Variants in DIP2C observed in about 807,000 individuals in gnomAD.
DIP2C encodes the protein disco-interacting protein 2 homolog C.
Under a neutral mutation model 192.4 loss-of-function variants are expected in DIP2C, and 33 were observed. That is an observed-to-expected ratio of 0.17 (90% CI 0.13 to 0.23). The LOEUF (loss-of-function observed/expected upper bound fraction) is 0.23. Among genes scored for constraint, DIP2C ranks in the 10% least tolerant of loss-of-function variants. The pLI, the probability that DIP2C is intolerant of heterozygous loss-of-function variation, is 1.00. For missense variants in DIP2C, 1,537 were observed against 2,110.1 expected, an observed-to-expected ratio of 0.73 and a Z score of 5.32; for synonymous variants, 979 against 864.1, an observed-to-expected ratio of 1.13 and a Z score of -2.33.
intron 1 of DIP2C, among the ~76,000 whole-genome samples, chr10:534,623 A>C (rs965571978): frequency 1.9e-4 from 29 of 150,120 alleles, no homozygotes; most frequent in African/African-American, 6.4e-4. Flanking sequence ...AGCCCCATCT[A>C]CCCTCCCAGG....
chr10:568,775 AAAAAAAAAAAAAAAAAAAAAAAAC>A (rs910162708), intron 1 of DIP2C, among the ~76,000 whole-genome samples: 2 of 127,578 alleles, frequency 1.6e-5, no homozygotes, highest in African/African-American at 3.2e-5. Flanking sequence ...CAAAAAAAAA[AAAAAAAAAAAAAAAAAAAAAAAAC>A]CTTCACTTGA....
At chr10:558,954 T>TCC (rs1184279983) in intron 1 of DIP2C, among the ~76,000 whole-genome samples, 1 of 11,368 alleles carries the variant, frequency 8.8e-5, no homozygotes, top group Non-Finnish European at 1.9e-4. Flanking sequence ...GCCCAACCCC[T>TCC]CCCCCGGCAG....
chr10:334,970 A>C (rs1040897189), intron 29 of DIP2C, among the ~76,000 whole-genome samples: 3 of 152,198 alleles, frequency 2.0e-5, no homozygotes, highest in African/African-American at 7.2e-5. Flanking sequence ...AAAAACCCCC[A>C]AAAAATAGCC....
intron 3 of DIP2C, among the ~76,000 whole-genome samples, chr10:470,481 G>A (rs372097929): frequency 1.1e-3 from 169 of 152,224 alleles, no homozygotes; most frequent in Middle Eastern, 3.4e-3. Context: ...TAAGGTGCAC[G>A]GATGAACAGA....
At chr10:493,695 G>A (rs1844616107) in intron 1 of DIP2C, among the ~76,000 whole-genome samples, 1 of 152,210 alleles carries the variant, frequency 6.6e-6, no homozygotes, top group South Asian at 2.1e-4. Flanking sequence ...GAGGGAACAT[G>A]AGCATGAGGA....
At chr10:471,477 C>CA (rs1970627916) in intron 3 of DIP2C, among the ~76,000 whole-genome samples, 1 of 152,152 alleles carries the variant, frequency 6.6e-6, no homozygotes, top group Non-Finnish European at 1.5e-5. Flanking sequence ...CCCTTAGCCT[C>CA]ACTTTTTTCT....
intron 3 of DIP2C, among the ~76,000 whole-genome samples, chr10:445,494 T>C (rs1056316185): frequency 4.6e-5 from 7 of 150,714 alleles, no homozygotes; most frequent in Non-Finnish European, 8.9e-5. Context: ...ACAACTGTTG[T>C]GAAGAGTCTA....
intron 32 of DIP2C, among the ~76,000 whole-genome samples, chr10:306,035 T>G (rs1956307243): frequency 6.6e-6 from 1 of 151,708 alleles, no homozygotes; most frequent in African/African-American, 2.4e-5. Flanking sequence ...ACTCAAGTAT[T>G]CATGGAAAGA....
intron 1 of DIP2C, among the ~76,000 whole-genome samples, chr10:612,382 T>TA (rs1447297737): frequency 6.6e-6 from 1 of 152,238 alleles, no homozygotes; most frequent in East Asian, 1.9e-4. Flanking sequence ...AGCATGTGTT[T>TA]ACATTTCAAT....
chr10:317,227 G>A (rs1956813234), intron 31 of DIP2C, among the ~76,000 whole-genome samples: 1 of 152,206 alleles, frequency 6.6e-6, no homozygotes, highest in South Asian at 2.1e-4. Context: ...GTGGGGTGGG[G>A]GCCACAGACA....
At chr10:286,533 C>T (rs1955143737) in intron 33 of DIP2C, among the ~76,000 whole-genome samples, 186 bp from the exon 34 acceptor site, 1 of 152,182 alleles carries the variant, frequency 6.6e-6, no homozygotes, top group South Asian at 2.1e-4. Flanking sequence ...CACAGCCTCA[C>T]AATCACATTC....
At chr10:538,932 C>T (rs1847836932) in intron 1 of DIP2C, among the ~76,000 whole-genome samples, 1 of 151,376 alleles carries the variant, frequency 6.6e-6, no homozygotes, top group South Asian at 2.1e-4. Flanking sequence ...ATATGAACCT[C>T]AGTTGTGAGT....
chr10:533,773 C>T (rs537533369), intron 1 of DIP2C, among the ~76,000 whole-genome samples: 1 of 152,004 alleles, frequency 6.6e-6, no homozygotes, highest in Non-Finnish European at 1.5e-5. Context: ...TGCTTAGTGA[C>T]GGGCACCTAC....
chr10:463,217 T>A (rs1969936127), intron 3 of DIP2C, among the ~76,000 whole-genome samples: 1 of 152,188 alleles, frequency 6.6e-6, no homozygotes, highest in African/African-American at 2.4e-5. Context: ...ATTGTTTCTG[T>A]TTACAGATGA....
intron 1 of DIP2C, among the ~76,000 whole-genome samples, chr10:582,255 C>A (rs1017852687): frequency 6.6e-6 from 1 of 152,210 alleles, no homozygotes; most frequent in Non-Finnish European, 1.5e-5. Flanking sequence ...CAGGTGGAGA[C>A]ACCACTCGTG....
rs2132626790 is a variant in DIP2C, at chr10:348,624, A to G, written c.3231+17T>C. 1 of 1,610,594 alleles carries G rather than the reference A, an allele frequency of 6.2e-7. No individual in the cohort carries two copies. Among genetic ancestry groups the G allele is most frequent in the Admixed American group, 1.7e-5 (1 of 59,168 alleles). Reference sequence around the variant, plus strand: ...GCTCCAGGCAGGTGGAGGCCCCGACATTCCCAGGCATGTTACCTCCACAAT... The same window carrying G: ...GCTCCAGGCAGGTGGAGGCCCCGACGTTCCCAGGCATGTTACCTCCACAAT... On this transcript the variant is annotated intron_variant, in intron 26 of 36. Coordinates refer to ENST00000280886, the MANE Select transcript of DIP2C (RefSeq NM_014974.3).
chr10:542,735 T>A (rs374831343), intron 1 of DIP2C, among the ~76,000 whole-genome samples: 9 of 152,014 alleles, frequency 5.9e-5, no homozygotes, highest in African/African-American at 1.9e-4. Flanking sequence ...CCAGTTCTTA[T>A]CGGATTGGGG....
In DIP2C at chr10:506,828, A is replaced by G. The variant is rs145349063; in HGVS notation, c.86-20298T>C. Among the ~76,000 whole-genome samples, 374 of 152,286 alleles carry G rather than the reference A, an allele frequency of 2.5e-3. 1 individual carries two copies. The highest frequency in any genetic ancestry group is 8.5e-3 in the African/African-American group (354 of 41,568). ...AGCCCCTCACTGAAGTGGGTCCTGC[A>G]CCCGCCAGCTGTGCATGATCAGAGG... On this transcript the variant is annotated intron_variant, in intron 1 of 36. Transcript: ENST00000280886.
intron 13 of DIP2C, 137 bp downstream of exon 13, chr10:389,854 A>G: frequency 1.4e-6 from 1 of 719,510 alleles, no homozygotes; most frequent in Admixed American, 2.6e-5. Flanking sequence ...ATCCTAACTC[A>G]ACAATAAGTT....
Sources: gnomAD v4.1 joint callset for allele counts (sites outside exome capture counted in the v4.1 genomes callset) on GRCh38, gnomAD v4.1.1 for gene constraint, MANE v1.5 for transcripts, NCBI Gene and HGNC (gene_info 2026-07-23, HGNC 2026-07-21) for gene names.